The following ESF1 variants were observed in gnomAD, a reference collection of about 807,000 sequenced individuals.
ESF1 encodes ESF1 homolog.
ESF1 carries 58 observed loss-of-function variants against 92.0 expected under a neutral mutation model. That is an observed-to-expected ratio of 0.63 (90% CI 0.51 to 0.78). The LOEUF (loss-of-function observed/expected upper bound fraction) is 0.78. Among genes scored for constraint, ESF1 ranks in the 30% least tolerant of loss-of-function variants. ESF1 has a pLI of 0.00. For synonymous variants in ESF1, 321 were observed against 313.7 expected (o/e 1.02, Z -0.24); for missense variants, 922 against 989.1 (o/e 0.93, Z 0.91).
At chr20:13,717,578 G>A in intron 12 of ESF1, 64 bp from the exon 13 acceptor site, 1 of 1,567,966 alleles carries the variant, frequency 6.4e-7, no homozygotes, top group Non-Finnish European at 8.7e-7. Context: ...CCAAAAAGGA[G>A]TATAGGGCAG....
chr20:13,771,439 T>C lies in ESF1; in HGVS notation c.1295A>G (p.Lys432Arg). Residue 432 changes from lysine (K) to arginine (R), a missense_variant, in exon 6 of 14, where the codon AAG becomes AGG. Transcript: ENST00000617257. ...KLRDYQFKRL[K>R]YYYAVVDCDS... The stretch of plus-strand genomic sequence containing the variant: ...ACAGTCTACTACTGCATAATAGTAC[T>C]TCAGTCGTTTGAATTGATAATCTCT... The C allele has an allele frequency of 6.2e-7, 1 of 1,613,102 alleles. No homozygotes were observed. The highest frequency in any genetic ancestry group is 8.5e-7 in the Non-Finnish European group (1 of 1,179,366).
chr20:13,766,781 T>C lies in ESF1; in HGVS notation c.1662A>G (p.Leu554=), dbSNP rs1212342767. The change falls in exon 8 of 14, where the codon CTA becomes CTG. Residue 554 remains leucine, a synonymous_variant. Coordinates refer to ENST00000617257, the MANE Select transcript of ESF1 (RefSeq NM_001276380.2). ...TCACTGAAAGATTAACAATACCTTG[T>C]AGCTCCTCTTCTATCTCCTCTTCAT... ...SEDEEEIEEE[L]QGDDGVNVEE... 3 of 1,613,354 alleles carry C rather than the reference T, an allele frequency of 1.9e-6. No individual in the cohort carries two copies. The highest frequency in any genetic ancestry group is 2.5e-6 in the Non-Finnish European group (3 of 1,179,798).
chr20:13,749,908 C>A lies in ESF1; in HGVS notation c.1828+9784G>T, dbSNP rs548533388. Among the ~76,000 whole-genome samples the A allele has an allele frequency of 3.3e-5, 5 of 152,200 alleles. No individual in the cohort carries two copies. The East Asian group carries it at 9.7e-4, about 29-fold the overall frequency. ...AGCTCATTTGATTACAGCTATCCCACCACCCACCCTCAGTAAAGATTAAAT... is the reference window on the plus strand; with the variant it reads ...AGCTCATTTGATTACAGCTATCCCAACACCCACCCTCAGTAAAGATTAAAT... On this transcript the variant is annotated intron_variant, in intron 9 of 13. Transcript: ENST00000617257.
intron 9 of ESF1, among the ~76,000 whole-genome samples, chr20:13,748,025 T>C (rs905653562): frequency 2.1e-4 from 32 of 152,334 alleles, no homozygotes; most frequent in African/African-American, 7.7e-4. Flanking sequence ...TGCAAAAATA[T>C]GACAGCACTA....
chr20:13,724,118 A>T (rs925712892), intron 11 of ESF1, among the ~76,000 whole-genome samples: 1 of 152,150 alleles, frequency 6.6e-6, no homozygotes, highest in Non-Finnish European at 1.5e-5. Context: ...AACATGGTGA[A>T]ACCCTGTCTC....
rs543453528 is a variant in ESF1 at position 13,776,085 on chromosome 20, C to G, written c.823G>C (p.Asp275His). ...TCTTCATCTTCATCCTCCTCTTCAT[C>G]ATCTTCACTTCCATCGTCATCACCT... ...ASGDDDGSED[D>H]EEEDEDEEED... is the part of the protein sequence containing the mutation. The change falls in exon 3 of 14, where the codon GAT becomes CAT. Residue 275 changes from aspartate to histidine, a missense_variant. Physicochemically the swap from Asp to His is moderately conservative, Grantham distance 81 (BLOSUM62 -1). Transcript: ENST00000617257. 1 of 1,613,902 alleles carries G rather than the reference C, an allele frequency of 6.2e-7. No individual in the cohort carries two copies. Among genetic ancestry groups the G allele is most frequent in the Admixed American group, 1.7e-5 (1 of 60,018 alleles).
intron 8 of ESF1, among the ~76,000 whole-genome samples, chr20:13,760,980 C>T (rs912150657): frequency 6.6e-5 from 10 of 152,270 alleles, no homozygotes; most frequent in African/African-American, 2.4e-4. Context: ...CGGATGGTTG[C>T]TGTGTCTGTG....
intron 9 of ESF1, 75 bp downstream of exon 9, chr20:13,759,617 G>T: frequency 6.6e-7 from 1 of 1,516,812 alleles, no homozygotes; most frequent in South Asian, 1.3e-5. Flanking sequence ...AAACATTTCC[G>T]GCTCCTTCAT....
chr20:13,751,385 C>G (rs555770171), intron 9 of ESF1, among the ~76,000 whole-genome samples: 1 of 152,264 alleles, frequency 6.6e-6, no homozygotes, highest in East Asian at 1.9e-4. Context: ...CTTGAGCTCA[C>G]TTGTGGCAGA....
chr20:13,770,721 T>C (rs961405783), intron 6 of ESF1, among the ~76,000 whole-genome samples: 2 of 152,226 alleles, frequency 1.3e-5, no homozygotes, highest in African/African-American at 4.8e-5. Context: ...ATCATATACA[T>C]GAGGTGTCAC....
At chr20:13,742,240 C>T (rs898576871) in intron 9 of ESF1, among the ~76,000 whole-genome samples, 18 of 151,902 alleles carry the variant, frequency 1.2e-4, no homozygotes, top group Admixed American at 2.0e-4. Context: ...TGGTGGTGGA[C>T]GCCTGTAATC....
chr20:13,714,808 T>C lies in ESF1; in HGVS notation c.*66A>G. On this transcript the variant is annotated 3_prime_UTR_variant, in exon 14 of 14. Transcript: ENST00000617257. ...AGATAGCTTTGTTCCCAATAAATAT[T>C]CCCTCCTATTATTTTTGTACATTTT... is the stretch of plus-strand genomic sequence containing the variant. The C allele has an allele frequency of 7.9e-7, 1 of 1,272,252 alleles. No homozygotes were observed. Among genetic ancestry groups the C allele is most frequent in the African/African-American group, 1.5e-5 (1 of 66,800 alleles). The allele number at this position is 1,272,252 out of a possible 1,614,324, so 78.8% of individuals were successfully genotyped here.
intron 2 of ESF1, among the ~76,000 whole-genome samples, chr20:13,780,001 A>C (rs1366680142): frequency 6.6e-6 from 1 of 152,250 alleles, no homozygotes; most frequent in Non-Finnish European, 1.5e-5. Context: ...ACAGCACTTA[A>C]AAAGGCCCTT....
chr20:13,719,527 T>C (rs2049853368), intron 11 of ESF1, among the ~76,000 whole-genome samples: 1 of 152,064 alleles, frequency 6.6e-6, no homozygotes, highest in Non-Finnish European at 1.5e-5. Context: ...GCATCATCAT[T>C]AGAAACAGAA....
intron 2 of ESF1, among the ~76,000 whole-genome samples, chr20:13,778,831 G>T (rs898203443): frequency 1.3e-5 from 2 of 152,126 alleles, no homozygotes; most frequent in Admixed American, 6.5e-5. Flanking sequence ...AGGATCTTGA[G>T]CCCAGGAGTT....
At chr20:13,745,793 C>T (rs1440999231) in intron 9 of ESF1, among the ~76,000 whole-genome samples, 1 of 151,944 alleles carries the variant, frequency 6.6e-6, no homozygotes, top group Non-Finnish European at 1.5e-5. Flanking sequence ...CAAGAATACA[C>T]AGAGGATGCT....
chr20:13,753,244 G>GC (rs1416433008), intron 9 of ESF1, among the ~76,000 whole-genome samples: 4 of 151,310 alleles, frequency 2.6e-5, no homozygotes, highest in African/African-American at 9.7e-5. Flanking sequence ...ATTAACAAAA[G>GC]CCCCCTTACC....
intron 4 of ESF1, among the ~76,000 whole-genome samples, chr20:13,773,836 C>T (rs1484167792): frequency 1.3e-5 from 2 of 152,150 alleles, no homozygotes. Flanking sequence ...TGGCTCACAC[C>T]TGTAATCCCA....
In ESF1 at chr20:13,733,781, G is replaced by A; in HGVS notation, c.1890C>T (p.Thr630=). 6.2e-7 allele frequency: 1 copy of A among 1,611,922 alleles called. No homozygotes were observed. The highest frequency in any genetic ancestry group is 8.5e-7 in the Non-Finnish European group (1 of 1,179,220). The change falls in exon 10 of 14, where the codon ACC becomes ACT. Residue 630 remains threonine, a synonymous_variant. Coordinates refer to ENST00000617257, the MANE Select transcript of ESF1 (RefSeq NM_001276380.2). ...TCTTCTCTAAAAATTGTTCCCAAGG[G>A]GTCAGTTTATCCTTTCCTTCCAATT... is the stretch of plus-strand genomic sequence containing the variant. ...KNKLEGKDKL[T]PWEQFLEKKK...
Sources: allele counts gnomAD v4.1 joint callset (sites outside exome capture counted in the v4.1 genomes callset), GRCh38; gene constraint gnomAD v4.1.1; transcripts MANE v1.5; gene names NCBI Gene and HGNC (gene_info 2026-07-23, HGNC 2026-07-21).